Variants in MPDZ observed in about 807,000 individuals in gnomAD.
MPDZ encodes multiple PDZ domain crumbs cell polarity complex component.
In MPDZ, 234 loss-of-function variants were observed where a neutral mutation model predicts 239.1. That is an observed-to-expected ratio of 0.98 (90% confidence interval 0.88 to 1.09). MPDZ has a LOEUF of 1.09. Ranked by LOEUF, MPDZ falls within the 50% of genes least tolerant of loss-of-function variation. MPDZ has a pLI of 0.00. For synonymous variants in MPDZ, 1,048 were observed against 881.3 expected, an observed-to-expected ratio of 1.19 and a Z score of -3.35; for missense variants, 3,175 against 2,510.0, an observed-to-expected ratio of 1.26 and a Z score of -5.66.
chr9:13,119,468 G>T (rs189049715), intron 39 of MPDZ, 34 bp downstream of exon 39: 1 of 1,577,758 alleles, frequency 6.3e-7, no homozygotes, highest in South Asian at 1.2e-5. Context: ...TTTCTTCTAC[G>T]CTATTACACA....
intron 23 of MPDZ, among the ~76,000 whole-genome samples, chr9:13,160,283 C>A (rs1950307428): frequency 6.6e-6 from 1 of 152,102 alleles, no homozygotes; most frequent in African/African-American, 2.4e-5. Flanking sequence ...GTTACTTAAC[C>A]TTTCTCTTGC....
At chr9:13,139,491 G>C (rs1033787328) in intron 28 of MPDZ, among the ~76,000 whole-genome samples, 2 of 152,166 alleles carry the variant, frequency 1.3e-5, no homozygotes, top group African/African-American at 4.8e-5. Context: ...ATTTTAAAAA[G>C]AGAGATAACC....
intron 44 of MPDZ, 97 bp from the exon 45 acceptor site, chr9:13,110,161 T>C (rs1942207067): frequency 6.3e-6 from 5 of 796,812 alleles, no homozygotes; most frequent in African/African-American, 3.5e-5. Flanking sequence ...AAAATGTATA[T>C]TTTATTGTTC....
At chr9:13,210,381 G>C (rs1346945242) in intron 10 of MPDZ, among the ~76,000 whole-genome samples, 1 of 150,456 alleles carries the variant, frequency 6.6e-6, no homozygotes, top group Non-Finnish European at 1.5e-5. Flanking sequence ...GGGCATAAAA[G>C]AACTAAGTGT....
At chr9:13,202,214 A>G (rs1956466078) in intron 12 of MPDZ, among the ~76,000 whole-genome samples, 1 of 152,168 alleles carries the variant, frequency 6.6e-6, no homozygotes, top group Non-Finnish European at 1.5e-5. Context: ...CTTCCCTGGA[A>G]CTAACTCCTT....
At chr9:13,191,361 C>T (rs1459633346) in intron 15 of MPDZ, among the ~76,000 whole-genome samples, 1 of 152,044 alleles carries the variant, frequency 6.6e-6, no homozygotes, top group Non-Finnish European at 1.5e-5. Flanking sequence ...CTCAATATAC[C>T]TTAAATGAGA....
chr9:13,121,841 CTGT>C lies in MPDZ; in HGVS notation c.5126_5128del (p.Tyr1709_Arg1710delinsTer). 1 of 1,613,920 alleles carries C rather than the reference CTGT, an allele frequency of 6.2e-7. No individual in the cohort carries two copies. On this transcript the variant is annotated stop_gained and inframe_deletion, in exon 38 of 47. Transcript: ENST00000319217. LOFTEE classifies it high-confidence loss of function. ...CTCCTCTTTGTATGGGGCCTCATCTCTGTAGAGTGTCAGGCGCACTCTCTGTGG... is the reference window on the plus strand; with the variant it reads ...CTCCTCTTTGTATGGGGCCTCATCTCAGAGTGTCAGGCGCACTCTCTGTGG...
At chr9:13,242,053 G>A (rs1341788322) in intron 3 of MPDZ, among the ~76,000 whole-genome samples, 2 of 152,030 alleles carry the variant, frequency 1.3e-5, no homozygotes, top group Admixed American at 1.3e-4. Context: ...GCCTTGGGCA[G>A]AAAAACCATT....
intron 1 of MPDZ, among the ~76,000 whole-genome samples, chr9:13,257,318 A>G (rs909482780): frequency 1.1e-4 from 16 of 152,104 alleles, no homozygotes; most frequent in Non-Finnish European, 1.8e-4. Context: ...TGCCTGACAC[A>G]TTATTCCAGA....
chr9:13,243,229 T>G (rs974634499), intron 3 of MPDZ, among the ~76,000 whole-genome samples: 1 of 152,184 alleles, frequency 6.6e-6, no homozygotes, highest in African/African-American at 2.4e-5. Context: ...TTATTAATTT[T>G]AGATGTTCAA....
intron 1 of MPDZ, among the ~76,000 whole-genome samples, chr9:13,254,775 A>T (rs536863891): frequency 3.3e-5 from 5 of 152,316 alleles, no homozygotes; most frequent in South Asian, 4.1e-4. Flanking sequence ...CACCTTTATT[A>T]AAAAAGTTTA....
chr9:13,107,181 T>G, intron 46 of MPDZ, 70 bp from the exon 47 acceptor site: 1 of 1,470,524 alleles, frequency 6.8e-7, no homozygotes. Context: ...CAGAAAAAGA[T>G]CTCAACAGGA....
At chr9:13,236,818 T>A (rs537695875) in intron 3 of MPDZ, among the ~76,000 whole-genome samples, 1 of 152,222 alleles carries the variant, frequency 6.6e-6, no homozygotes, top group East Asian at 1.9e-4. Flanking sequence ...TTTTAAAAAC[T>A]TCGCTCCTAC....
intron 7 of MPDZ, among the ~76,000 whole-genome samples, chr9:13,220,987 C>A (rs947927518): frequency 8.6e-5 from 13 of 151,946 alleles, no homozygotes; most frequent in African/African-American, 2.9e-4. Context: ...TGTTGTTTTT[C>A]TGCCTGAATA....
intron 3 of MPDZ, among the ~76,000 whole-genome samples, chr9:13,242,215 C>CA (rs1965580213): frequency 3.9e-5 from 2 of 50,754 alleles, no homozygotes; most frequent in African/African-American, 8.4e-5. Context: ...TGTTAGGATG[C>CA]TTTTTTTTTT....
At chr9:13,137,505 G>A (rs903217331) in intron 29 of MPDZ, among the ~76,000 whole-genome samples, 1 of 152,116 alleles carries the variant, frequency 6.6e-6, no homozygotes, top group African/African-American at 2.4e-5. Flanking sequence ...AATTTATTTT[G>A]TTCGGCAGGC....
At chr9:13,249,788 A>C (rs1967431740) in intron 2 of MPDZ, among the ~76,000 whole-genome samples, 1 of 152,232 alleles carries the variant, frequency 6.6e-6, no homozygotes, top group Non-Finnish European at 1.5e-5. Context: ...GTTTATTAAC[A>C]CATGAGTCTG....
chr9:13,250,905 C>T (rs903175464), intron 1 of MPDZ, among the ~76,000 whole-genome samples: 2 of 151,776 alleles, frequency 1.3e-5, no homozygotes, highest in East Asian at 1.9e-4. Flanking sequence ...AAGGTGAGTG[C>T]GTCACTTGAG....
chr9:13,184,888 G>A (rs1953880612), intron 18 of MPDZ, among the ~76,000 whole-genome samples: 1 of 151,932 alleles, frequency 6.6e-6, no homozygotes, highest in Admixed American at 6.6e-5. Flanking sequence ...GACCCAGGAC[G>A]CATATTACTA....
Sources: gnomAD v4.1 joint callset for allele counts (sites outside exome capture counted in the v4.1 genomes callset) on GRCh38, gnomAD v4.1.1 for gene constraint, MANE v1.5 for transcripts, NCBI Gene and HGNC (gene_info 2026-07-23, HGNC 2026-07-21) for gene names.